The following SVEP1 variants were observed in gnomAD, a reference collection of about 807,000 sequenced individuals.
The protein encoded by SVEP1 is sushi, von Willebrand factor type A, EGF and pentraxin domain containing 1, also known as sushi, von Willebrand factor type A, EGF and pentraxin domain-containing protein 1.
Under a neutral mutation model 367.3 loss-of-function variants are expected in SVEP1, and 164 were observed. The observed-to-expected ratio is 0.45, with a 90% CI of 0.39 to 0.51. The LOEUF is 0.51. Among genes scored for constraint, SVEP1 ranks in the 20% least tolerant of loss-of-function variants. SVEP1 has a pLI of 0.00. For synonymous variants in SVEP1, 1,666 were observed against 1,611.6 expected (o/e 1.03, Z -0.81); for missense variants, 4,117 against 4,425.3 (o/e 0.93, Z 1.98).
intron 39 of SVEP1, among the ~76,000 whole-genome samples, chr9:110,403,648 AT>A (rs1335959034): frequency 1.3e-5 from 2 of 152,030 alleles, no homozygotes; most frequent in Non-Finnish European, 2.9e-5. Flanking sequence ...GGTAAAAAAA[AT>A]GTGAAAATAT....
intron 3 of SVEP1, among the ~76,000 whole-genome samples, chr9:110,525,670 T>C (rs1829931037): frequency 6.6e-6 from 1 of 152,204 alleles, no homozygotes; most frequent in African/African-American, 2.4e-5. Flanking sequence ...CAAGACTTAT[T>C]ATACAGCTAT....
At chr9:110,483,020 A>C (rs527461679) in intron 10 of SVEP1, among the ~76,000 whole-genome samples, 1 of 152,292 alleles carries the variant, frequency 6.6e-6, no homozygotes, top group Admixed American at 6.5e-5. Flanking sequence ...GATTTTCTCA[A>C]AGTCCTTTGA....
chr9:110,386,679 G>A (rs770047313), intron 42 of SVEP1, among the ~76,000 whole-genome samples: 31 of 152,282 alleles, frequency 2.0e-4, no homozygotes, highest in African/African-American at 7.5e-4. Flanking sequence ...GGCATTATGC[G>A]TGCTTAGCGC....
At chr9:110,478,032 A>G (rs1412376529) in intron 13 of SVEP1, among the ~76,000 whole-genome samples, 2 of 152,104 alleles carry the variant, frequency 1.3e-5, no homozygotes, top group Non-Finnish European at 2.9e-5. Flanking sequence ...TTGACCATCT[A>G]TCACTCAGCC....
At chr9:110,400,656 C>A (rs564299058) in intron 40 of SVEP1, among the ~76,000 whole-genome samples, 198 bp downstream of exon 40, 1 of 152,064 alleles carries the variant, frequency 6.6e-6, no homozygotes, top group South Asian at 2.1e-4. Flanking sequence ...CATGAGCCAC[C>A]GCACCCAGTT....
rs1829318602 is a variant in SVEP1 at position 110,488,433 on chromosome 9, G to T, written c.1930+1217C>A. Among the ~76,000 whole-genome samples the T allele has an allele frequency of 2.0e-5, 3 of 152,032 alleles. 1 individual carries two copies. The highest frequency in any genetic ancestry group is 2.0e-4 in the Admixed American group (3 of 15,240). ...AGAGAAGATCAGCATTTGAGAATTA[G>T]CCTGAGGAAGAGAAGCCTACAAAAG... On this transcript the variant is annotated intron_variant, in intron 9 of 47. Coordinates refer to ENST00000374469, the MANE Select transcript of SVEP1 (RefSeq NM_153366.4).
At chr9:110,398,428 C>G (rs1827803908) in intron 40 of SVEP1, among the ~76,000 whole-genome samples, 2 of 152,150 alleles carry the variant, frequency 1.3e-5, no homozygotes, top group African/African-American at 2.4e-5. Flanking sequence ...AGGACATAGG[C>G]ATGGGCAAGG....
chr9:110,507,226 C>T (rs988078351), intron 5 of SVEP1, among the ~76,000 whole-genome samples: 5 of 152,158 alleles, frequency 3.3e-5, no homozygotes, highest in African/African-American at 1.2e-4. Context: ...TTGAACAAAA[C>T]ATTTGGGACT....
At position 110,453,247 on chromosome 9, in the gene SVEP1, A is replaced by G. The variant is rs184609594; in HGVS notation, c.3788-1845T>C. On this transcript the variant is annotated intron_variant, in intron 22 of 47. Transcript: ENST00000374469. ...AGTTAGGTACAATGCTGGATGATTT[A>G]GATGATCTCAGTACTCTCCATAATA... Among the ~76,000 whole-genome samples the G allele has an allele frequency of 1.2e-4, 19 of 152,270 alleles. No homozygotes were observed. The East Asian group carries it at 3.5e-3, about 28-fold the overall frequency.
chr9:110,507,154 C>T (rs1187191556), intron 5 of SVEP1, among the ~76,000 whole-genome samples: 1 of 152,054 alleles, frequency 6.6e-6, no homozygotes, highest in African/African-American at 2.4e-5. Flanking sequence ...AGAAATAACC[C>T]CTACAAAAGA....
intron 1 of SVEP1, among the ~76,000 whole-genome samples, chr9:110,578,092 T>A (rs191004381): frequency 6.6e-6 from 1 of 152,214 alleles, no homozygotes; most frequent in Non-Finnish European, 1.5e-5. Context: ...GGAACTTTTA[T>A]AGAAATTCTT....
chr9:110,513,817 C>A, intron 4 of SVEP1, 131 bp downstream of exon 4: 1 of 1,095,232 alleles, frequency 9.1e-7, no homozygotes, highest in Non-Finnish European at 1.3e-6. Context: ...TCATCCCACT[C>A]CCCCAAAAAA....
At chr9:110,467,661 G>T (rs189567140) in intron 17 of SVEP1, among the ~76,000 whole-genome samples, 169 of 149,352 alleles carry the variant, frequency 1.1e-3, no homozygotes, top group African/African-American at 3.9e-3. Flanking sequence ...TTTGAGATAG[G>T]GTCTTGCTCT....
chr9:110,462,704 C>A (rs1381107367), intron 18 of SVEP1, among the ~76,000 whole-genome samples: 1 of 151,368 alleles, frequency 6.6e-6, no homozygotes, highest in Non-Finnish European at 1.5e-5. Flanking sequence ...CTTTTCACCT[C>A]CTCTATTGTA....
intron 23 of SVEP1, among the ~76,000 whole-genome samples, 188 bp downstream of exon 23, chr9:110,451,075 CTGAACCATTTGAGAGTAAATTGCAGA>C (rs755525843): frequency 2.6e-5 from 4 of 152,078 alleles, no homozygotes; most frequent in Admixed American, 6.6e-5. Context: ...TTATTTTTTG[CTGAACCATTTGAGAGTAAATTGCAGA>C]CCTGCATGCC....
intron 2 of SVEP1, among the ~76,000 whole-genome samples, chr9:110,549,545 C>G (rs1250053077): frequency 6.6e-6 from 1 of 152,180 alleles, no homozygotes; most frequent in Non-Finnish European, 1.5e-5. Context: ...GCTTCCCACT[C>G]TGTGTGTGGC....
At position 110,408,887 on chromosome 9, in the gene SVEP1, A is replaced by C. The variant is rs749729901; in HGVS notation, c.6713T>G (p.Val2238Gly). The C allele has an allele frequency of 8.1e-6, 13 of 1,613,248 alleles. No individual in the cohort carries two copies. Among genetic ancestry groups the C allele is most frequent in the Non-Finnish European group, 1.0e-5 (12 of 1,179,598 alleles). ...TTGGCAGACAAATACAGGACTTCCG[A>C]CTGACTTATAGCCCGGGTTACACTG... ...RYQCNPGYKS[V>G]GSPVFVCQAN... Residue 2238 changes from valine (V) to glycine (G), a missense_variant, in exon 38 of 48, where the codon GTC becomes GGC. Physicochemically the swap from Val to Gly is moderately radical, Grantham distance 109. Transcript: ENST00000374469.
chr9:110,579,327 G>A lies in SVEP1; in HGVS notation c.217C>T (p.Arg73Trp). ...CGCTCGCTGAGCTCCCGCAGCAGCC[G>A]CACGCGTCGCCGGAACGCCTGGCCC... is the stretch of plus-strand genomic sequence containing the variant. ...RLGQAFRRRV[R>W]LLRELSERLE... is the part of the protein sequence containing the mutation. The change falls in exon 1 of 48, where the codon CGG (arginine) becomes TGG (tryptophan). Residue 73 changes from arginine (R) to tryptophan (W), a missense_variant. Transcript: ENST00000374469. The surrounding 1 kb of genome is among the most constrained non-coding windows in gnomAD (Gnocchi z 5.3). The A allele has an allele frequency of 1.3e-6, 2 of 1,558,486 alleles. No homozygotes were observed. Among genetic ancestry groups the A allele is most frequent in the Non-Finnish European group, 1.7e-6 (2 of 1,153,004 alleles).
At chr9:110,471,818 T>C (rs1228240649) in intron 15 of SVEP1, among the ~76,000 whole-genome samples, 1 of 152,236 alleles carries the variant, frequency 6.6e-6, no homozygotes, top group Non-Finnish European at 1.5e-5. Context: ...CTAAGAACTA[T>C]ACAATTTGTT....
Sources: gnomAD v4.1 joint callset for allele counts (sites outside exome capture counted in the v4.1 genomes callset) on GRCh38, gnomAD v4.1.1 for gene constraint, Gnocchi (gnomAD v3.1) non-coding constraint, MANE v1.5 for transcripts, NCBI Gene and HGNC (gene_info 2026-07-23, HGNC 2026-07-21) for gene names.